ARL15: variants seen among roughly 807,000 people sequenced by gnomAD.
ARL15 encodes ADP-ribosylation factor-like protein 15.
Under a neutral mutation model 25.2 loss-of-function variants are expected in ARL15, and 19 were observed. The ratio of observed to expected loss-of-function variants is 0.75; its 90% CI spans 0.53 to 1.10. The LOEUF is 1.10. ARL15 is among the 50% of genes least tolerant of loss of function. ARL15 has a pLI of 0.00. For synonymous variants in ARL15, 94 were observed against 86.8 expected (o/e 1.08, Z -0.46); for missense variants, 220 against 246.0 (o/e 0.89, Z 0.71).
chr5:54,006,148 A>T (rs865910373), intron 4 of ARL15, among the ~76,000 whole-genome samples: 5 of 151,914 alleles, frequency 3.3e-5, no homozygotes, highest in Non-Finnish European at 5.9e-5. Flanking sequence ...GAGGCTACTG[A>T]ATCCAGAAGC....
Position 53,973,460 on chromosome 5 carries a change from C to G in ARL15, c.463-86747G>C, listed in dbSNP as rs1747816892. Among the ~76,000 whole-genome samples the G allele has an allele frequency of 2.0e-5, 3 of 151,746 alleles. 1 individual carries two copies. The highest frequency in any genetic ancestry group is 7.2e-5 in the African/African-American group (3 of 41,402). On this transcript the variant is annotated intron_variant, in intron 4 of 4. Coordinates refer to ENST00000504924, the MANE Select transcript of ARL15 (RefSeq NM_019087.3). ...ATGGTGGCGGGCGCCTGTAATTCCA[C>G]CTACTCGGAAGGCTGAGGCAGGAGA...
At chr5:53,925,735 G>C (rs1745997408) in intron 4 of ARL15, among the ~76,000 whole-genome samples, 1 of 152,074 alleles carries the variant, frequency 6.6e-6, no homozygotes, top group Non-Finnish European at 1.5e-5. Context: ...TGAAGCCTAG[G>C]AATTCGAGGT....
At position 54,002,104 on chromosome 5, in the gene ARL15, C is replaced by A. The variant is rs945858679; in HGVS notation, c.462+111098G>T. Among the ~76,000 whole-genome samples the A allele has an allele frequency of 5.3e-5, 8 of 152,252 alleles. No individual in the cohort carries two copies. In the East Asian group the frequency reaches 1.2e-3, roughly 22 times the overall value. On this transcript the variant is annotated intron_variant, in intron 4 of 4. Coordinates refer to ENST00000504924, the MANE Select transcript of ARL15 (RefSeq NM_019087.3). ...TGGATTGAATTGGTTACGTATCTTA[C>A]AAGACTTCAGGTTCAACAGTTTTCT...
chr5:54,273,847 A>T (rs1757853149), intron 1 of ARL15, among the ~76,000 whole-genome samples: 1 of 152,150 alleles, frequency 6.6e-6, no homozygotes, highest in Non-Finnish European at 1.5e-5. Context: ...GGGGGAGGGG[A>T]ACAGAGAGAC....
At chr5:54,231,137 A>G (rs892406357) in intron 1 of ARL15, among the ~76,000 whole-genome samples, 2 of 151,896 alleles carry the variant, frequency 1.3e-5, no homozygotes, top group East Asian at 3.9e-4. Flanking sequence ...AACACATTAA[A>G]CTCATCATGA....
intron 4 of ARL15, among the ~76,000 whole-genome samples, chr5:54,064,465 A>G (rs547816395): frequency 6.6e-6 from 1 of 152,316 alleles, no homozygotes; most frequent in South Asian, 2.1e-4. Context: ...GGCTAACCAC[A>G]TATAACAATG....
At chr5:54,248,277 C>T (rs1450329706) in intron 1 of ARL15, among the ~76,000 whole-genome samples, 1 of 152,176 alleles carries the variant, frequency 6.6e-6, no homozygotes, top group Non-Finnish European at 1.5e-5. Flanking sequence ...AAAACTATCT[C>T]TTACCATGAC....
At chr5:54,013,742 G>C (rs1283571136) in intron 4 of ARL15, among the ~76,000 whole-genome samples, 1 of 152,066 alleles carries the variant, frequency 6.6e-6, no homozygotes, top group Non-Finnish European at 1.5e-5. Context: ...GACTCAACCA[G>C]TTCTGTGGCC....
At chr5:54,025,033 A>G (rs1749742313) in intron 4 of ARL15, among the ~76,000 whole-genome samples, 1 of 152,192 alleles carries the variant, frequency 6.6e-6, no homozygotes, top group Non-Finnish European at 1.5e-5. Context: ...ATTTTTTAAC[A>G]TAAATTTTCC....
intron 4 of ARL15, among the ~76,000 whole-genome samples, chr5:54,033,306 C>T (rs1281745404): frequency 6.6e-6 from 1 of 151,438 alleles, no homozygotes; most frequent in Non-Finnish European, 1.5e-5. Context: ...GAGCAAGACT[C>T]CGTCTCAAAA....
intron 4 of ARL15, among the ~76,000 whole-genome samples, chr5:54,077,774 G>A (rs546023071): frequency 6.6e-6 from 1 of 152,194 alleles, no homozygotes; most frequent in African/African-American, 2.4e-5. Flanking sequence ...TCTGTCATTT[G>A]GCAAAGATGT....
chr5:54,310,254 C>T, intron 1 of ARL15, 178 bp downstream of exon 1: 1 of 655,982 alleles, frequency 1.5e-6, no homozygotes, highest in Non-Finnish European at 2.5e-6. Context: ...ACCACCCACC[C>T]GCCCTGGAGG....
chr5:54,286,865 G>A (rs551363106), intron 1 of ARL15, among the ~76,000 whole-genome samples: 60 of 144,342 alleles, frequency 4.2e-4, no homozygotes, highest in African/African-American at 1.5e-3. Flanking sequence ...CATTTGCAGG[G>A]CTTTTTTTTT....
chr5:54,158,872 C>CA (rs1044822359), intron 2 of ARL15, among the ~76,000 whole-genome samples: 47 of 152,024 alleles, frequency 3.1e-4, no homozygotes, highest in African/African-American at 1.1e-3. Context: ...GACTCTGTCT[C>CA]AAAAAAAGTA....
chr5:53,946,192 A>C (rs1254798525), intron 4 of ARL15, among the ~76,000 whole-genome samples: 1 of 152,138 alleles, frequency 6.6e-6, no homozygotes, highest in African/African-American at 2.4e-5. Flanking sequence ...CATCGCTCAC[A>C]CCTATAATTC....
At chr5:53,941,164 C>T (rs1746528266) in intron 4 of ARL15, among the ~76,000 whole-genome samples, 1 of 152,112 alleles carries the variant, frequency 6.6e-6, no homozygotes, top group Non-Finnish European at 1.5e-5. Context: ...TCTCCTTCTT[C>T]CCCTTTCCCT....
At chr5:54,107,931 C>A (rs1216724084) in intron 4 of ARL15, among the ~76,000 whole-genome samples, 1 of 151,838 alleles carries the variant, frequency 6.6e-6, no homozygotes, top group Admixed American at 6.6e-5. Flanking sequence ...ATGCAAGAAA[C>A]ACAGGTATAC....
intron 1 of ARL15, among the ~76,000 whole-genome samples, chr5:54,221,406 T>TCA (rs968511287): frequency 6.6e-6 from 1 of 152,236 alleles, no homozygotes; most frequent in Admixed American, 6.5e-5. Context: ...TGCTGATTTG[T>TCA]CATTTTAAAT....
intron 4 of ARL15, among the ~76,000 whole-genome samples, chr5:53,979,938 C>T (rs1748067944): frequency 6.6e-6 from 1 of 151,928 alleles, no homozygotes; most frequent in African/African-American, 2.4e-5. Flanking sequence ...CTCTTGGCCT[C>T]AAGTAATCCA....
Sources: gnomAD v4.1 joint callset for allele counts (sites outside exome capture counted in the v4.1 genomes callset) on GRCh38, gnomAD v4.1.1 for gene constraint, MANE v1.5 for transcripts, NCBI Gene and HGNC (gene_info 2026-07-23, HGNC 2026-07-21) for gene names.